The following FSHR variants were observed in gnomAD, a reference collection of about 807,000 sequenced individuals.
FSHR encodes follicle stimulating hormone receptor.
Under a neutral mutation model 52.1 loss-of-function variants are expected in FSHR, and 46 were observed. The observed-to-expected ratio is 0.88, with a 90% CI of 0.70 to 1.13. The LOEUF (loss-of-function observed/expected upper bound fraction) is 1.13, where lower values mean the gene tolerates loss of function less well. Among genes scored for constraint, FSHR ranks in the 50% most tolerant of loss-of-function variants. The probability of loss-of-function intolerance (pLI) is 0.00; values close to 1 mark genes in which losing one functional copy is unlikely to be tolerated. For synonymous variants in FSHR, 399 were observed against 309.6 expected (o/e 1.29, Z -3.03); for missense variants, 964 against 834.6 (o/e 1.16, Z -1.91).
chr2:49,011,170 C>G (rs1014135871), intron 4 of FSHR, among the ~76,000 whole-genome samples: 3 of 150,954 alleles, frequency 2.0e-5, no homozygotes, highest in Non-Finnish European at 4.4e-5. Flanking sequence ...GCATTTAGTG[C>G]TATAAATTTC....
intron 1 of FSHR, among the ~76,000 whole-genome samples, chr2:49,107,299 A>C (rs906414952): frequency 6.6e-6 from 1 of 151,488 alleles, no homozygotes; most frequent in Non-Finnish European, 1.5e-5. Flanking sequence ...TCTTCTTTTG[A>C]AATTTGTCTT....
At chr2:48,979,574 G>T (rs1016235616) in intron 8 of FSHR, among the ~76,000 whole-genome samples, 3 of 152,242 alleles carry the variant, frequency 2.0e-5, no homozygotes, top group South Asian at 4.1e-4. Flanking sequence ...CCAGGAGTTT[G>T]GTTCCTCCCC....
At chr2:49,141,300 G>A (rs1202513399) in intron 1 of FSHR, among the ~76,000 whole-genome samples, 1 of 152,136 alleles carries the variant, frequency 6.6e-6, no homozygotes, top group African/African-American at 2.4e-5. Context: ...AATTTATAAG[G>A]AAAAGAGGTT....
chr2:49,026,691 A>G (rs1667920444), intron 2 of FSHR, among the ~76,000 whole-genome samples: 1 of 152,202 alleles, frequency 6.6e-6, no homozygotes, highest in Admixed American at 6.5e-5. Flanking sequence ...AGTGGAGGAC[A>G]GTGTGGGAAG....
chr2:49,130,359 T>C (rs752136635), intron 1 of FSHR, among the ~76,000 whole-genome samples: 2 of 152,192 alleles, frequency 1.3e-5, no homozygotes, highest in African/African-American at 2.4e-5. Flanking sequence ...TCGCTTAATC[T>C]CAGTGTCCTC....
intron 1 of FSHR, among the ~76,000 whole-genome samples, chr2:49,079,962 C>T (rs907646334): frequency 6.6e-6 from 1 of 152,088 alleles, no homozygotes; most frequent in Non-Finnish European, 1.5e-5. Context: ...ATTTGCAACA[C>T]ATGCCAGTAA....
At chr2:49,014,542 G>A (rs1330584520) in intron 4 of FSHR, among the ~76,000 whole-genome samples, 1 of 152,048 alleles carries the variant, frequency 6.6e-6, no homozygotes, top group East Asian at 1.9e-4. Flanking sequence ...ACAAGTTCAA[G>A]TATCTCCCCT....
chr2:48,987,596 C>A (rs1675570026), intron 6 of FSHR, among the ~76,000 whole-genome samples: 1 of 152,084 alleles, frequency 6.6e-6, no homozygotes, highest in Admixed American at 6.5e-5. Context: ...AATTCCCTAG[C>A]TAACTACTGC....
At chr2:48,986,711 C>T (rs550796260) in intron 6 of FSHR, among the ~76,000 whole-genome samples, 1 of 152,266 alleles carries the variant, frequency 6.6e-6, no homozygotes, top group Non-Finnish European at 1.5e-5. Context: ...CAGACAGGAT[C>T]TATATGTTTC....
chr2:49,098,448 A>T (rs931511631), intron 1 of FSHR, among the ~76,000 whole-genome samples: 4 of 152,134 alleles, frequency 2.6e-5, no homozygotes, highest in Non-Finnish European at 4.4e-5. Flanking sequence ...ATTAAATCAT[A>T]AAGTGTAAAT....
intron 2 of FSHR, among the ~76,000 whole-genome samples, chr2:49,033,685 C>A (rs1668181649): frequency 6.6e-6 from 1 of 151,954 alleles, no homozygotes; most frequent in Non-Finnish European, 1.5e-5. Flanking sequence ...CCTTTGAGAG[C>A]CCTCCTCCCC....
At chr2:49,085,767 TGGA>T (rs1187061847) in intron 1 of FSHR, among the ~76,000 whole-genome samples, 1 of 152,172 alleles carries the variant, frequency 6.6e-6, no homozygotes, top group East Asian at 1.9e-4. Flanking sequence ...ATATACACCA[TGGA>T]ATACTATGCA....
intron 6 of FSHR, among the ~76,000 whole-genome samples, chr2:48,983,621 A>T (rs1453242393): frequency 6.6e-6 from 1 of 152,168 alleles, no homozygotes; most frequent in Non-Finnish European, 1.5e-5. Context: ...TTCACCCATG[A>T]TCACCCACAG....
chr2:49,008,693 T>C (rs1358053710), intron 4 of FSHR, among the ~76,000 whole-genome samples: 1 of 142,828 alleles, frequency 7.0e-6, no homozygotes, highest in Non-Finnish European at 1.5e-5. Flanking sequence ...CACCTGTTGT[T>C]TCCTGACTTT....
intron 2 of FSHR, among the ~76,000 whole-genome samples, chr2:49,022,011 A>T (rs13031121): frequency 3.0e-4 from 44 of 148,510 alleles, no homozygotes; most frequent in African/African-American, 9.7e-4. Context: ...ATTGAGAAGG[A>T]GGGGGAAAGG....
In FSHR at chr2:48,962,353, G is replaced by C; in HGVS notation, c.*380C>G. 4.0e-6 allele frequency: 1 copy of C among 250,016 alleles called. No individual in the cohort carries two copies. The highest frequency in any genetic ancestry group is 7.8e-6 in the Non-Finnish European group (1 of 127,912). 15.5% of individuals were successfully genotyped at this position (250,016 alleles called of 1,614,324 possible). A position where few individuals can be genotyped will look rare whatever the true frequency, so the allele number is the denominator to read the frequency against. On this transcript the variant is annotated 3_prime_UTR_variant, in exon 10 of 10. Transcript: ENST00000406846. ...TGCCTCTTACAAACTAAACAATTTT[G>C]AACAAGTCACTTAACTCTTTGAGTC...
intron 4 of FSHR, chr2:49,014,803 G>T (rs1289030816): frequency 4.9e-6 from 2 of 408,758 alleles, no homozygotes; most frequent in Non-Finnish European, 9.8e-6. Context: ...GGAGTGCTTT[G>T]CATTAGCCAT....
chr2:49,083,666 A>G (rs28869472), intron 1 of FSHR, among the ~76,000 whole-genome samples: 39,129 of 142,668 alleles, frequency 0.27, 5,798 homozygotes, highest in East Asian at 0.49. Flanking sequence ...CAAGCAAATG[A>G]AAAACAAAAA....
At chr2:49,112,567 T>C (rs566595907) in intron 1 of FSHR, among the ~76,000 whole-genome samples, 2 of 152,194 alleles carry the variant, frequency 1.3e-5, no homozygotes, top group Non-Finnish European at 2.9e-5. Context: ...TAAAGATGCA[T>C]TGATAGGTAG....
Sources: allele counts gnomAD v4.1 joint callset (sites outside exome capture counted in the v4.1 genomes callset), GRCh38; gene constraint gnomAD v4.1.1; transcripts MANE v1.5; gene names NCBI Gene and HGNC (gene_info 2026-07-23, HGNC 2026-07-21).